Variants in RAB11FIP4 observed in about 807,000 individuals in gnomAD.
The protein encoded by RAB11FIP4 is rab11 family-interacting protein 4.
RAB11FIP4 carries 23 observed loss-of-function variants against 74.3 expected under a neutral mutation model. The observed-to-expected ratio is 0.31, with a 90% CI of 0.22 to 0.44. The LOEUF is 0.44. Among genes scored for constraint, RAB11FIP4 ranks in the 20% least tolerant of loss-of-function variants. The probability of loss-of-function intolerance (pLI) is 1.00; values close to 1 mark genes in which losing one functional copy is unlikely to be tolerated. For missense variants in RAB11FIP4, 630 were observed against 863.9 expected, an observed-to-expected ratio of 0.73 and a Z score of 3.39; for synonymous variants, 360 against 359.9, an observed-to-expected ratio of 1.00 and a Z score of 0.00.
At chr17:31,440,510 T>C (rs2071397959) in intron 3 of RAB11FIP4, among the ~76,000 whole-genome samples, 1 of 152,264 alleles carries the variant, frequency 6.6e-6, no homozygotes, top group African/African-American at 2.4e-5. Flanking sequence ...GGCTCATGCC[T>C]GTAATCCCAG....
intron 3 of RAB11FIP4, among the ~76,000 whole-genome samples, chr17:31,478,099 T>A (rs1175884841): frequency 6.6e-6 from 1 of 151,802 alleles, no homozygotes; most frequent in African/African-American, 2.4e-5. Context: ...TTCAAGCGAT[T>A]CCCCTGCCTC....
chr17:31,461,108 G>A (rs549315320), intron 3 of RAB11FIP4, among the ~76,000 whole-genome samples: 3 of 114,850 alleles, frequency 2.6e-5, no homozygotes, highest in Non-Finnish European at 3.6e-5. Flanking sequence ...AGCCCTTGCT[G>A]CCAACAACCC....
intron 2 of RAB11FIP4, 84 bp from the exon 3 acceptor site, chr17:31,433,950 T>C: frequency 7.5e-7 from 1 of 1,341,848 alleles, no homozygotes; most frequent in Non-Finnish European, 1.0e-6. Context: ...CTTCCCACCC[T>C]ATGCCCATTA....
At chr17:31,437,786 C>T (rs894666979) in intron 3 of RAB11FIP4, among the ~76,000 whole-genome samples, 4 of 152,098 alleles carry the variant, frequency 2.6e-5, no homozygotes, top group African/African-American at 9.7e-5. Flanking sequence ...CCCTTCTTGA[C>T]CCCCTCCCAG....
At chr17:31,474,176 C>T (rs551751095) in intron 3 of RAB11FIP4, among the ~76,000 whole-genome samples, 1 of 152,334 alleles carries the variant, frequency 6.6e-6, no homozygotes, top group Non-Finnish European at 1.5e-5. Context: ...AGTCAACTTC[C>T]TCACAGGCAA....
chr17:31,424,067 A>G (rs1256203387), intron 1 of RAB11FIP4, among the ~76,000 whole-genome samples: 1 of 151,804 alleles, frequency 6.6e-6, no homozygotes, highest in Non-Finnish European at 1.5e-5. Context: ...TCAGAAAGAG[A>G]GTTTCTTCCG....
Position 31,537,578 on chromosome 17 carries a change from G to T in RAB11FIP4, c.*5846G>T. The T allele has an allele frequency of 5.7e-6, 1 of 176,224 alleles. No individual in the cohort carries two copies. The highest frequency in any genetic ancestry group is 1.2e-5 in the Non-Finnish European group (1 of 83,600). The allele number at this position is 176,224 out of a possible 1,614,324, so 10.9% of individuals were successfully genotyped here. On this transcript the variant is annotated 3_prime_UTR_variant, in exon 15 of 15. Coordinates refer to ENST00000621161, the MANE Select transcript of RAB11FIP4 (RefSeq NM_032932.6). ...GCAGGGATATCATGGGACCGCAGCC[G>T]CTCCGTGCACTGTCTCTGCCCCCAG...
chr17:31,449,537 C>T (rs1031908314), intron 3 of RAB11FIP4, among the ~76,000 whole-genome samples: 5 of 152,170 alleles, frequency 3.3e-5, no homozygotes, highest in African/African-American at 1.2e-4. Flanking sequence ...ACACTTCTCA[C>T]AGTCACCAGG....
At chr17:31,480,537 C>A (rs2071836381) in intron 3 of RAB11FIP4, among the ~76,000 whole-genome samples, 1 of 152,108 alleles carries the variant, frequency 6.6e-6, no homozygotes, top group Non-Finnish European at 1.5e-5. Context: ...CGCCTGTAAT[C>A]CCACCACTTT....
intron 4 of RAB11FIP4, among the ~76,000 whole-genome samples, chr17:31,519,567 G>T (rs1035405282): frequency 6.6e-6 from 1 of 152,110 alleles, no homozygotes; most frequent in Non-Finnish European, 1.5e-5. Context: ...AGCCGAGGGG[G>T]TTGCAAGTGG....
intron 3 of RAB11FIP4, chr17:31,488,070 G>T: frequency 9.8e-6 from 10 of 1,016,912 alleles, no homozygotes; most frequent in Non-Finnish European, 1.2e-5. Context: ...GCCCACGCGG[G>T]TCTCCCGGCA....
chr17:31,510,363 G>A (rs562775079), intron 3 of RAB11FIP4, among the ~76,000 whole-genome samples: 64 of 152,318 alleles, frequency 4.2e-4, no homozygotes, highest in African/African-American at 1.4e-3. Flanking sequence ...CACCCCCACC[G>A]CACACATGCA....
intron 1 of RAB11FIP4, among the ~76,000 whole-genome samples, chr17:31,406,959 A>G (rs2060321970): frequency 6.6e-6 from 1 of 151,940 alleles, no homozygotes; most frequent in African/African-American, 2.4e-5. Context: ...AACAAGAATA[A>G]ATAAGCCATT....
chr17:31,506,674 A>G (rs1427968680), intron 3 of RAB11FIP4, among the ~76,000 whole-genome samples: 28 of 152,170 alleles, frequency 1.8e-4, no homozygotes. Context: ...CACTTAACAC[A>G]ATGTTCTGTA....
At chr17:31,433,677 G>T (rs946690934) in intron 2 of RAB11FIP4, among the ~76,000 whole-genome samples, 2 of 152,230 alleles carry the variant, frequency 1.3e-5, no homozygotes, top group African/African-American at 4.8e-5. Flanking sequence ...GGGTGTGTTT[G>T]CTTTCTCCAG....
chr17:31,411,021 C>T (rs980486207), intron 1 of RAB11FIP4, among the ~76,000 whole-genome samples: 6 of 152,110 alleles, frequency 3.9e-5, no homozygotes, highest in East Asian at 1.9e-4. Context: ...GGATGGCACA[C>T]GGTTTAATGG....
intron 3 of RAB11FIP4, among the ~76,000 whole-genome samples, chr17:31,442,527 C>T (rs1426747402): frequency 6.6e-6 from 1 of 152,204 alleles, no homozygotes; most frequent in African/African-American, 2.4e-5. Context: ...TGGCTGTTTT[C>T]ACACTACAGT....
intron 1 of RAB11FIP4, among the ~76,000 whole-genome samples, chr17:31,396,903 A>G (rs551141849): frequency 6.2e-4 from 95 of 152,132 alleles, no homozygotes; most frequent in Non-Finnish European, 1.2e-3. Context: ...AAATGAAATG[A>G]TGGTCCCCAC....
At chr17:31,411,280 C>T (rs947284456) in intron 1 of RAB11FIP4, among the ~76,000 whole-genome samples, 3 of 152,156 alleles carry the variant, frequency 2.0e-5, no homozygotes, top group Non-Finnish European at 2.9e-5. Context: ...AGGAGAATAG[C>T]GTGAACCTGG....
Sources: gnomAD v4.1 joint callset for allele counts (sites outside exome capture counted in the v4.1 genomes callset) on GRCh38, gnomAD v4.1.1 for gene constraint, MANE v1.5 for transcripts, NCBI Gene and HGNC (gene_info 2026-07-23, HGNC 2026-07-21) for gene names.